RNF169: variants seen among roughly 807,000 people sequenced by gnomAD.
The protein encoded by RNF169 is E3 ubiquitin-protein ligase RNF169.
In RNF169, 24 loss-of-function variants were observed where a neutral mutation model predicts 53.9. The ratio of observed to expected loss-of-function variants is 0.45; its 90% confidence interval spans 0.32 to 0.63. RNF169 has a LOEUF of 0.63. RNF169 is among the 20% of genes least tolerant of loss of function. The pLI, the probability that RNF169 is intolerant of heterozygous loss-of-function variation, is 0.04. For synonymous variants in RNF169, 396 were observed against 363.5 expected, an observed-to-expected ratio of 1.09 and a Z score of -1.02; for missense variants, 883 against 906.2, an observed-to-expected ratio of 0.97 and a Z score of 0.33.
intron 3 of RNF169, among the ~76,000 whole-genome samples, chr11:74,815,614 T>C (rs953593681): frequency 1.3e-5 from 2 of 152,232 alleles, no homozygotes; most frequent in African/African-American, 4.8e-5. Context: ...CTTAAAAGAT[T>C]AATAGTTTTG....
chr11:74,760,570 C>T (rs1337546074), intron 1 of RNF169, among the ~76,000 whole-genome samples: 3 of 151,628 alleles, frequency 2.0e-5, no homozygotes, highest in African/African-American at 7.3e-5. Flanking sequence ...CGTTATGTAC[C>T]CAGTAGTCAT....
chr11:74,765,646 C>CA (rs1286611622), intron 1 of RNF169, among the ~76,000 whole-genome samples: 2 of 151,600 alleles, frequency 1.3e-5, no homozygotes, highest in Admixed American at 6.6e-5. Context: ...ACTAAAAATA[C>CA]AAAAAATTAG....
At chr11:74,775,910 C>A (rs7927371) in intron 1 of RNF169, among the ~76,000 whole-genome samples, 3,621 of 152,148 alleles carry the variant, frequency 0.024, 122 homozygotes, top group African/African-American at 0.083. Flanking sequence ...ATGTATTAGA[C>A]GCTCAGTAAA....
chr11:74,781,053 A>G lies in RNF169; in HGVS notation c.503-8573A>G, dbSNP rs535654914. Among the ~76,000 whole-genome samples the G allele has an allele frequency of 4.9e-4, 75 of 152,318 alleles. 1 individual carries two copies. In the East Asian group the frequency reaches 0.011, roughly 22 times the overall value. ...AACTGTGCGGGGTAAAAGGCTAAGA[A>G]CCCTCACAGAAAGCTACTGAAAAGC... On this transcript the variant is annotated intron_variant, in intron 1 of 5. Coordinates refer to ENST00000299563, the MANE Select transcript of RNF169 (RefSeq NM_001098638.2).
In RNF169 at chr11:74,839,455, T is replaced by C. The variant is rs1431590924; in HGVS notation, c.*2725T>C. 1 of 152,198 alleles carries C rather than the reference T, an allele frequency of 6.6e-6. No homozygotes were observed. Among genetic ancestry groups the C allele is most frequent in the Non-Finnish European group, 1.5e-5 (1 of 68,030 alleles). The allele number at this position is 152,198 out of a possible 1,614,324, so 9.4% of individuals were successfully genotyped here. On this transcript the variant is annotated 3_prime_UTR_variant, in exon 6 of 6. Coordinates refer to ENST00000299563, the MANE Select transcript of RNF169 (RefSeq NM_001098638.2). ...AAAGTCGATATGTTGATGTGTATTA[T>C]TTGGGGGAACAGAAAAGGACAAGGA...
Position 74,841,963 on chromosome 11 carries a change from T to C in RNF169, c.*5233T>C, listed in dbSNP as rs776993967. 4.6e-5 allele frequency: 7 copies of C among 152,012 alleles called. No individual in the cohort carries two copies. Among genetic ancestry groups the C allele is most frequent in the Admixed American group, 6.6e-5 (1 of 15,256 alleles). The allele number at this position is 152,012 out of a possible 1,614,324, so 9.4% of individuals were successfully genotyped here. A position where few individuals can be genotyped will look rare whatever the true frequency, so the allele number is the denominator to read the frequency against. On this transcript the variant is annotated 3_prime_UTR_variant, in exon 6 of 6. Transcript: ENST00000299563. ...GCACTTAAAAGTCCTAGTGAGAGAA[T>C]AGATACTATGCAAGGGAAAAAAATT... is the stretch of plus-strand genomic sequence containing the variant.
At chr11:74,792,771 A>G (rs886719651) in intron 2 of RNF169, among the ~76,000 whole-genome samples, 1 of 152,206 alleles carries the variant, frequency 6.6e-6, no homozygotes, top group African/African-American at 2.4e-5. Context: ...TGTTCCTGTT[A>G]GAGGAGAGGT....
intron 3 of RNF169, among the ~76,000 whole-genome samples, chr11:74,814,281 G>A (rs1226557837): frequency 6.6e-6 from 1 of 151,740 alleles, no homozygotes; most frequent in Non-Finnish European, 1.5e-5. Flanking sequence ...AGTGAGCTGA[G>A]ATCATGCTAC....
At chr11:74,821,971 C>T (rs1293589063) in intron 4 of RNF169, among the ~76,000 whole-genome samples, 1 of 152,022 alleles carries the variant, frequency 6.6e-6, no homozygotes, top group Non-Finnish European at 1.5e-5. Context: ...ATAGCAGCTG[C>T]ACCAAGGTCT....
rs115398747 is a variant in RNF169, at chr11:74,766,248, A to G, written c.502+16866A>G. ...AATTAGCAAAGAGTAAAATCTCCCC[A>G]CAAAGCAATACCACCGCGTGGACAC... On this transcript the variant is annotated intron_variant, in intron 1 of 5. Transcript: ENST00000299563. Among the ~76,000 whole-genome samples, 1,349 of 152,296 alleles carry G rather than the reference A, an allele frequency of 8.9e-3. 26 individuals carry two copies. Among genetic ancestry groups the G allele is most frequent in the African/African-American group, 0.031 (1,273 of 41,548 alleles).
chr11:74,759,862 T>C (rs1451527030), intron 1 of RNF169, among the ~76,000 whole-genome samples: 2 of 151,950 alleles, frequency 1.3e-5, no homozygotes, highest in African/African-American at 4.8e-5. Flanking sequence ...TTTCTATTGA[T>C]TGGAATAGTT....
chr11:74,810,095 CTGTTTGTTCTAATAAA>C, intron 2 of RNF169, 73 bp from the exon 3 acceptor site: 1 of 1,150,028 alleles, frequency 8.7e-7, no homozygotes. Context: ...GCCATGTGAT[CTGTTTGTTCTAATAAA>C]CTACAGAGTA....
At chr11:74,785,173 GATATATATATATGATATATATATGAT>G (rs1272645201) in intron 1 of RNF169, among the ~76,000 whole-genome samples, 54 of 62,758 alleles carry the variant, frequency 8.6e-4, no homozygotes, top group African/African-American at 8.1e-3. Context: ...ATATATATAT[GATATATATATATGATATATATATGAT>G]ATATATATAT....
chr11:74,785,254 G>GATATATATGTTATATATATTAGAT (rs2035481785), intron 1 of RNF169, among the ~76,000 whole-genome samples: 7 of 135,706 alleles, frequency 5.2e-5, no homozygotes, highest in Non-Finnish European at 9.3e-5. Flanking sequence ...ATATATGTTA[G>GATATATATGTTATATATATTAGAT]ATATATATGT....
chr11:74,771,047 TC>T (rs1296761192), intron 1 of RNF169, among the ~76,000 whole-genome samples: 1 of 151,702 alleles, frequency 6.6e-6, no homozygotes, highest in Admixed American at 6.6e-5. Context: ...CCTCAGGTGA[TC>T]CCCCCCGCCT....
chr11:74,754,642 G>A (rs2034952484), intron 1 of RNF169, among the ~76,000 whole-genome samples: 1 of 152,124 alleles, frequency 6.6e-6, no homozygotes, highest in Non-Finnish European at 1.5e-5. Context: ...CCAACATGGG[G>A]AAACCCTGTC....
chr11:74,770,099 A>G (rs1270770668), intron 1 of RNF169, among the ~76,000 whole-genome samples: 1 of 152,156 alleles, frequency 6.6e-6, no homozygotes, highest in African/African-American at 2.4e-5. Flanking sequence ...GCTTTAGACT[A>G]CTGTTTCACA....
chr11:74,790,417 C>T (rs991316497), intron 2 of RNF169, among the ~76,000 whole-genome samples: 1 of 152,196 alleles, frequency 6.6e-6, no homozygotes, highest in African/African-American at 2.4e-5. Flanking sequence ...CTGGATCAAG[C>T]ATCATCATAA....
At chr11:74,814,291 C>T (rs2135122813) in intron 3 of RNF169, among the ~76,000 whole-genome samples, 1 of 151,554 alleles carries the variant, frequency 6.6e-6, no homozygotes, top group South Asian at 2.1e-4. Flanking sequence ...GATCATGCTA[C>T]TATACTCCAG....
Sources: allele counts gnomAD v4.1 joint callset (sites outside exome capture counted in the v4.1 genomes callset), GRCh38; gene constraint gnomAD v4.1.1; transcripts MANE v1.5; gene names NCBI Gene and HGNC (gene_info 2026-07-23, HGNC 2026-07-21).